NDUFV2: variants seen among roughly 807,000 people sequenced by gnomAD.
The protein encoded by NDUFV2 is NADH dehydrogenase [ubiquinone] flavoprotein 2, mitochondrial.
NDUFV2 carries 18 observed loss-of-function variants against 31.6 expected under a neutral mutation model. The observed-to-expected ratio is 0.57, with a 90% CI of 0.39 to 0.84. NDUFV2 has a LOEUF of 0.84. Ranked by LOEUF, NDUFV2 falls within the 40% of genes least tolerant of loss-of-function variation. The pLI is 0.00. For synonymous variants in NDUFV2, 83 were observed against 99.8 expected (o/e 0.83, Z 1.01); for missense variants, 314 against 303.6 (o/e 1.03, Z -0.26).
chr18:9,117,949 T>A, intron 2 of NDUFV2, 46 bp downstream of exon 2: 1 of 1,326,678 alleles, frequency 7.5e-7, no homozygotes, highest in Non-Finnish European at 1.1e-6. Context: ...ACTTGGAAAT[T>A]GGGGTAAATC....
In NDUFV2 at chr18:9,122,776, CT is replaced by C. The variant is rs2077949952; in HGVS notation, c.469+97del. 2 of 1,206,030 alleles carry C rather than the reference CT, an allele frequency of 1.7e-6. 1 individual carries two copies. The highest frequency in any genetic ancestry group is 3.7e-5 in the Admixed American group (2 of 53,586). The allele number at this position is 1,206,030 out of a possible 1,614,324, so 74.7% of individuals were successfully genotyped here. On this transcript the variant is annotated intron_variant, in intron 5 of 7. Coordinates refer to ENST00000318388, the MANE Select transcript of NDUFV2 (RefSeq NM_021074.5). ...ATCTAAAATTTCCAACTTCTGCCATCTTATTGGATCTGTACTTACCTAGTAA... is the reference window on the plus strand; with the variant it reads ...ATCTAAAATTTCCAACTTCTGCCATCTATTGGATCTGTACTTACCTAGTAA...
intron 1 of NDUFV2, among the ~76,000 whole-genome samples, chr18:9,112,133 C>T (rs972289443): frequency 6.6e-6 from 1 of 150,384 alleles, no homozygotes; most frequent in Non-Finnish European, 1.5e-5. Flanking sequence ...ATTCTCCTGT[C>T]TCAGCCTCCC....
At chr18:9,131,410 A>G (rs2078039267) in intron 7 of NDUFV2, among the ~76,000 whole-genome samples, 1 of 152,228 alleles carries the variant, frequency 6.6e-6, no homozygotes, top group Non-Finnish European at 1.5e-5. Context: ...AATTTAAAGT[A>G]CTGAAAAATT....
At chr18:9,114,737 T>G (rs1198925036) in intron 1 of NDUFV2, among the ~76,000 whole-genome samples, 1 of 152,210 alleles carries the variant, frequency 6.6e-6, no homozygotes, top group Non-Finnish European at 1.5e-5. Flanking sequence ...TTTAGCTACT[T>G]TATCCTGACC....
At chr18:9,104,884 C>G in intron 1 of NDUFV2, 1 of 1,464,284 alleles carries the variant, frequency 6.8e-7, no homozygotes. Flanking sequence ...TAAAAATCAT[C>G]CATTGTCTTG....
intron 4 of NDUFV2, among the ~76,000 whole-genome samples, chr18:9,121,085 A>C (rs912506568): frequency 6.6e-6 from 1 of 152,144 alleles, no homozygotes; most frequent in Admixed American, 6.5e-5. Context: ...CTCTTAAAAA[A>C]TATGTATTTA....
rs188378278 is a variant in NDUFV2, at chr18:9,128,018, A to G, written c.656+1111A>G. Among the ~76,000 whole-genome samples, 61 of 152,180 alleles carry G rather than the reference A, an allele frequency of 4.0e-4. 1 individual carries two copies. The highest frequency in any genetic ancestry group is 3.9e-3 in the Admixed American group (59 of 15,292). On this transcript the variant is annotated intron_variant, in intron 7 of 7. Coordinates refer to ENST00000318388, the MANE Select transcript of NDUFV2 (RefSeq NM_021074.5). ...CTTTCAGTTATGAACTTGGATTTTC[A>G]CTTTTAAACAAACCCTTATTCCATG...
At chr18:9,128,541 T>C (rs1293945335) in intron 7 of NDUFV2, among the ~76,000 whole-genome samples, 1 of 152,168 alleles carries the variant, frequency 6.6e-6, no homozygotes, top group Non-Finnish European at 1.5e-5. Flanking sequence ...TTTTAGGAGG[T>C]AAATCATTTC....
Position 9,125,002 on chromosome 18 carries a change from A to G in NDUFV2, c.579+19A>G, listed in dbSNP as rs2077976642. ...TTACTATGTGAGTATTTCAGGTAAT[A>G]CAAGTTAAAGTTGTATGATGTCATA... On this transcript the variant is annotated intron_variant, in intron 6 of 7. Coordinates refer to ENST00000318388, the MANE Select transcript of NDUFV2 (RefSeq NM_021074.5). The G allele has an allele frequency of 6.2e-7, 1 of 1,611,198 alleles. No individual in the cohort carries two copies. Among genetic ancestry groups the G allele is most frequent in the Non-Finnish European group, 8.5e-7 (1 of 1,177,810 alleles).
chr18:9,106,568 T>C (rs1598340813), intron 1 of NDUFV2, among the ~76,000 whole-genome samples: 1 of 152,228 alleles, frequency 6.6e-6, no homozygotes, highest in East Asian at 1.9e-4. Context: ...GATTTTGTAA[T>C]GTCCCAGTGT....
rs1234954377 is a variant in NDUFV2 at position 9,119,333 on chromosome 18, A to G, written c.128A>G (p.Asp43Gly). 1 of 1,612,562 alleles carries G rather than the reference A, an allele frequency of 6.2e-7. No homozygotes were observed. Among genetic ancestry groups the G allele is most frequent in the African/African-American group, 1.3e-5 (1 of 74,916 alleles). The change falls in exon 3 of 8, where the codon GAT (aspartate) becomes GGT (glycine). Residue 43 changes from aspartate to glycine, a missense_variant. By Grantham distance (94) the Asp-to-Gly change is moderately conservative (BLOSUM62 -1). Coordinates refer to ENST00000318388, the MANE Select transcript of NDUFV2 (RefSeq NM_021074.5). ...ACTGTTTTTGTTGTGTAGCACAGAG[A>G]TACTCCTGAGAATAACCCTGATACT... is the stretch of plus-strand genomic sequence containing the variant. ...GAGGALFVHR[D>G]TPENNPDTPF...
At chr18:9,127,625 C>T (rs2078002417) in intron 7 of NDUFV2, among the ~76,000 whole-genome samples, 1 of 152,146 alleles carries the variant, frequency 6.6e-6, no homozygotes, top group Non-Finnish European at 1.5e-5. Context: ...GTGCCAGCCA[C>T]CACGCCCGGC....
chr18:9,119,250 A>G (rs2077916717), intron 2 of NDUFV2, 76 bp from the exon 3 acceptor site: 1 of 1,087,018 alleles, frequency 9.2e-7, no homozygotes, highest in Non-Finnish European at 1.4e-6. Context: ...ACAATAAGTA[A>G]TAGTATAGTA....
chr18:9,119,438 C>A (rs1314194125), intron 3 of NDUFV2, 36 bp from the exon 4 acceptor site: 4 of 1,602,422 alleles, frequency 2.5e-6, no homozygotes, highest in Non-Finnish European at 2.6e-6. Context: ...GTAATATTTT[C>A]TAGATGTATA....
At chr18:9,103,265 G>C (rs909641486) in intron 1 of NDUFV2, 7 of 397,370 alleles carry the variant, frequency 1.8e-5, no homozygotes, top group Non-Finnish European at 3.1e-5. Context: ...GAAAAGGGTG[G>C]CCAATGTTTG....
chr18:9,121,432 T>G (rs1222224921), intron 4 of NDUFV2: 2 of 152,178 alleles, frequency 1.3e-5, no homozygotes, highest in African/African-American at 2.4e-5. Context: ...CTCCCCAGAT[T>G]CAGGGATACG....
At chr18:9,119,949 TCTG>T (rs1332344256) in intron 4 of NDUFV2, among the ~76,000 whole-genome samples, 14 of 152,080 alleles carry the variant, frequency 9.2e-5, no homozygotes, top group African/African-American at 2.9e-4. Flanking sequence ...GAAAAGAAGA[TCTG>T]CTCACTAGTA....
At chr18:9,126,640 G>T in intron 6 of NDUFV2, 191 bp from the exon 7 acceptor site, 1 of 555,628 alleles carries the variant, frequency 1.8e-6, no homozygotes, top group Non-Finnish European at 3.3e-6. Context: ...TTCAGCCGTA[G>T]AAAGTAATTT....
intron 4 of NDUFV2, among the ~76,000 whole-genome samples, chr18:9,120,374 G>A (rs2077926066): frequency 6.6e-6 from 1 of 152,202 alleles, no homozygotes; most frequent in Non-Finnish European, 1.5e-5. Context: ...GGCAATGAAA[G>A]TTTTGAACCA....
Sources: gnomAD v4.1 joint callset for allele counts (sites outside exome capture counted in the v4.1 genomes callset) on GRCh38, gnomAD v4.1.1 for gene constraint, MANE v1.5 for transcripts, NCBI Gene and HGNC (gene_info 2026-07-23, HGNC 2026-07-21) for gene names.